FMO2: variants seen among roughly 807,000 people sequenced by gnomAD.
FMO2 encodes the protein flavin containing dimethylaniline monoxygenase 2, also known as flavin-containing monooxygenase 2.
A neutral mutation model predicts 41.6 loss-of-function variants in FMO2; 33 were observed. The ratio of observed to expected loss-of-function variants is 0.79; its 90% CI spans 0.60 to 1.06. The LOEUF is 1.06. Ranked by LOEUF, FMO2 falls within the 50% of genes least tolerant of loss-of-function variation. The pLI is 0.00. For synonymous variants in FMO2, 214 were observed against 219.6 expected (o/e 0.97, Z 0.23); for missense variants, 619 against 632.9 (o/e 0.98, Z 0.23).
At chr1:171,196,171 G>T (rs966315453) in intron 3 of FMO2, among the ~76,000 whole-genome samples, 3 of 152,108 alleles carry the variant, frequency 2.0e-5, no homozygotes, top group African/African-American at 4.8e-5. Context: ...GTGTATTCAG[G>T]GAGTTAAAGG....
In FMO2 at chr1:171,208,774, T is replaced by C. The variant is rs756626274; in HGVS notation, c.1257-20T>C. On this transcript the variant is annotated intron_variant, in intron 8 of 8. Coordinates refer to ENST00000209929, the MANE Select transcript of FMO2 (RefSeq NM_001460.5). ...CTTAGAACATTCTGTGAACATTCCC[T>C]TTTTACTTTCTTCACTAAGGTTTGG... 2 of 1,611,900 alleles carry C rather than the reference T, an allele frequency of 1.2e-6. No homozygotes were observed. The highest frequency in any genetic ancestry group is 1.1e-5 in the South Asian group (1 of 90,750).
Position 171,201,678 on chromosome 1 carries a change from C to T in FMO2, c.628-2187C>T, listed in dbSNP as rs145903760. 2.4e-4 allele frequency among the ~76,000 whole-genome samples: 36 copies of T among 152,258 alleles called. 1 individual carries two copies. In the East Asian group the frequency reaches 4.6e-3, roughly 20 times the overall value. On this transcript the variant is annotated intron_variant, in intron 5 of 8. Transcript: ENST00000209929. ...CATCATTGTATTAGTCCATTCTCAA[C>T]GCTGCTATGTAGACATACCCGAGAC...
At chr1:171,195,471 A>G (rs1658267369) in intron 3 of FMO2, among the ~76,000 whole-genome samples, 1 of 152,236 alleles carries the variant, frequency 6.6e-6, no homozygotes, top group African/African-American at 2.4e-5. Flanking sequence ...TACAGCACTT[A>G]GTTAATATAC....
At chr1:171,196,918 C>A (rs1463026393) in intron 4 of FMO2, 107 bp downstream of exon 4, 2 of 961,448 alleles carry the variant, frequency 2.1e-6, no homozygotes, top group Non-Finnish European at 3.2e-6. Context: ...CAGAACTTGG[C>A]TCAATAAGAT....
intron 6 of FMO2, 137 bp from the exon 7 acceptor site, chr1:171,205,138 CACAG>C (rs1365174920): frequency 7.1e-6 from 4 of 563,494 alleles, no homozygotes; most frequent in African/African-American, 1.9e-5. Context: ...TAAGGATTTG[CACAG>C]ACAACCAGTT....
In FMO2 at chr1:171,211,261, G is replaced by A. The variant is rs1167756212; in HGVS notation, c.*2116G>A. ...CCACACTCATTCATTTATTTTCTGT[G>A]GTTGCTTTCAAGCTACAATTGTAGA... On this transcript the variant is annotated 3_prime_UTR_variant, in exon 9 of 9. Transcript: ENST00000209929. 6.6e-6 allele frequency: 1 copy of A among 152,076 alleles called. No individual in the cohort carries two copies. The highest frequency in any genetic ancestry group is 2.4e-5 in the African/African-American group (1 of 41,414). The allele number at this position is 152,076 out of a possible 1,614,324, so 9.4% of individuals were successfully genotyped here. A position where few individuals can be genotyped will look rare whatever the true frequency, so the allele number is the denominator to read the frequency against.
chr1:171,206,438 G>C (rs1658761185), intron 7 of FMO2, among the ~76,000 whole-genome samples: 1 of 152,198 alleles, frequency 6.6e-6, no homozygotes, highest in Admixed American at 6.5e-5. Flanking sequence ...GACATTGCTA[G>C]AGCATGACGT....
chr1:171,198,264 C>T (rs1251925368), intron 4 of FMO2, among the ~76,000 whole-genome samples: 1 of 152,136 alleles, frequency 6.6e-6, no homozygotes, highest in Middle Eastern at 3.2e-3. Flanking sequence ...AATATGGAAA[C>T]CAACTCCTAT....
rs58582514 is a variant in FMO2 at position 171,185,306 on chromosome 1, C to T, written c.-60C>T. ...CTTCCAACTGCCTCCCAGCACACAACCAAGGGAGAAAACTATTCTGTCAAA... is the reference window on the plus strand; with the variant it reads ...CTTCCAACTGCCTCCCAGCACACAATCAAGGGAGAAAACTATTCTGTCAAA... On this transcript the variant is annotated 5_prime_UTR_variant, in exon 1 of 9. Coordinates refer to ENST00000209929, the MANE Select transcript of FMO2 (RefSeq NM_001460.5). The T allele has an allele frequency of 6.5e-6, 1 of 153,714 alleles. No individual in the cohort carries two copies. The highest frequency in any genetic ancestry group is 6.5e-5 in the Admixed American group (1 of 15,502). 9.5% of individuals were successfully genotyped at this position (153,714 alleles called of 1,614,324 possible).
chr1:171,195,625 A>G (rs1202876066), intron 3 of FMO2, among the ~76,000 whole-genome samples: 4 of 152,202 alleles, frequency 2.6e-5, no homozygotes, highest in Admixed American at 2.6e-4. Context: ...CAGTTGGAAA[A>G]ATATCTGAAA....
chr1:171,193,678 T>C (rs1658181094), intron 3 of FMO2, among the ~76,000 whole-genome samples, 155 bp downstream of exon 3: 3 of 152,144 alleles, frequency 2.0e-5, no homozygotes, highest in Admixed American at 2.0e-4. Context: ...CAAAAAGTAG[T>C]GTCATTACCC....
Position 171,188,060 on chromosome 1 carries a change from C to T in FMO2, c.132+2215C>T, listed in dbSNP as rs1025965024. On this transcript the variant is annotated intron_variant, in intron 2 of 8. Transcript: ENST00000209929. ...TTTTTTTTTTTTTTTTTTTTGCTCC[C>T]AGGTAGATTCTTAACCTAAACAAGA... is the stretch of plus-strand genomic sequence containing the variant. Among the ~76,000 whole-genome samples the T allele has an allele frequency of 2.8e-5, 4 of 140,866 alleles. No individual in the cohort carries two copies. The Admixed American group carries it at 2.9e-4, about 10-fold the overall frequency. 92.4% of individuals were successfully genotyped at this position (140,866 alleles called of 152,430 possible).
In FMO2 at chr1:171,208,938, C is replaced by T. The variant is rs533741161; in HGVS notation, c.1401C>T (p.Pro467=). 2.5e-6 allele frequency: 4 copies of T among 1,613,810 alleles called. No individual in the cohort carries two copies. The highest frequency in any genetic ancestry group is 1.7e-4 in the Middle Eastern group (1 of 6,056). The change falls in exon 9 of 9, where the codon CCC becomes CCT. Residue 467 remains proline, a synonymous_variant. Transcript: ENST00000209929. ...PKLAVRLYFG[P]CNSYQYRLVG... is the part of the protein sequence containing the mutation. ...TGGCTGTGAGACTCTATTTCGGACC[C>T]TGCAACTCCTATCAGTATCGCCTGG...
intron 6 of FMO2, among the ~76,000 whole-genome samples, chr1:171,204,635 C>T (rs1658678808): frequency 6.6e-6 from 1 of 152,090 alleles, no homozygotes; most frequent in South Asian, 2.1e-4. Flanking sequence ...CAAATGCCTG[C>T]CGTGCAACTA....
chr1:171,202,834 T>G (rs1181691548), intron 5 of FMO2, among the ~76,000 whole-genome samples: 1 of 152,140 alleles, frequency 6.6e-6, no homozygotes, highest in Non-Finnish European at 1.5e-5. Context: ...ACTTATTGCA[T>G]GGTATGTAAA....
intron 5 of FMO2, 92 bp from the exon 6 acceptor site, chr1:171,203,772 TG>T: frequency 9.3e-7 from 1 of 1,073,110 alleles, no homozygotes; most frequent in Non-Finnish European, 1.4e-6. Context: ...CTGTAAATTC[TG>T]GGGCTACACA....
chr1:171,199,501 C>T lies in FMO2; in HGVS notation c.627+13C>T. ...GAATGCTGCTCAGGTGTGATGCTCT[C>T]TGCTTACCATGTACCTGGAGGGGAG... On this transcript the variant is annotated intron_variant, in intron 5 of 8. Coordinates refer to ENST00000209929, the MANE Select transcript of FMO2 (RefSeq NM_001460.5). 6.3e-7 allele frequency: 1 copy of T among 1,588,592 alleles called. No homozygotes were observed.
At chr1:171,186,395 C>T (rs1236206169) in intron 2 of FMO2, 1 of 152,338 alleles carries the variant, frequency 6.6e-6, no homozygotes, top group African/African-American at 2.4e-5. Context: ...TGTATTAGTC[C>T]ATTCTCATGC....
intron 5 of FMO2, among the ~76,000 whole-genome samples, chr1:171,201,624 AC>A (rs1236693519): frequency 6.6e-6 from 1 of 152,148 alleles, no homozygotes; most frequent in Non-Finnish European, 1.5e-5. Context: ...ATCCAAAAGC[AC>A]CACTCAAGAT....
Sources: gnomAD v4.1 joint callset for allele counts (sites outside exome capture counted in the v4.1 genomes callset) on GRCh38, gnomAD v4.1.1 for gene constraint, MANE v1.5 for transcripts, NCBI Gene and HGNC (gene_info 2026-07-23, HGNC 2026-07-21) for gene names.